TMCC1: variants seen among roughly 807,000 people sequenced by gnomAD.
TMCC1 encodes the protein transmembrane and coiled-coil domains protein 1.
In TMCC1, 15 loss-of-function variants were observed where a neutral mutation model predicts 52.4. That is an observed-to-expected ratio of 0.29 (90% CI 0.19 to 0.44). The LOEUF (loss-of-function observed/expected upper bound fraction) is 0.44. TMCC1 is among the 20% of genes least tolerant of loss of function. The pLI is 1.00. For synonymous variants in TMCC1, 279 were observed against 301.9 expected (o/e 0.92, Z 0.79); for missense variants, 503 against 806.0 (o/e 0.62, Z 4.55).
intron 4 of TMCC1, among the ~76,000 whole-genome samples, chr3:129,823,472 A>C (rs1161149909): frequency 6.6e-6 from 1 of 152,188 alleles, no homozygotes; most frequent in Non-Finnish European, 1.5e-5. Flanking sequence ...AAAGTTCAAA[A>C]ATAAAATCTA....
chr3:129,679,531 C>G (rs1272515051), intron 4 of TMCC1, among the ~76,000 whole-genome samples: 1 of 152,084 alleles, frequency 6.6e-6, no homozygotes, highest in Non-Finnish European at 1.5e-5. Flanking sequence ...GTCTTGAACT[C>G]CTGACCTCGT....
At chr3:129,751,419 A>G (rs1477012619) in intron 4 of TMCC1, among the ~76,000 whole-genome samples, 4 of 151,904 alleles carry the variant, frequency 2.6e-5, no homozygotes, top group Admixed American at 6.6e-5. Context: ...AGTCCCAGCT[A>G]CTTGGGAGGC....
At chr3:129,732,162 A>G (rs550983736) in intron 4 of TMCC1, among the ~76,000 whole-genome samples, 1 of 152,320 alleles carries the variant, frequency 6.6e-6, no homozygotes, top group South Asian at 2.1e-4. Flanking sequence ...TTCTACATAT[A>G]CAGTGATGTA....
At chr3:129,664,306 T>TCTGA (rs1321830042) in intron 5 of TMCC1, among the ~76,000 whole-genome samples, 4 of 152,168 alleles carry the variant, frequency 2.6e-5, no homozygotes, top group Admixed American at 6.6e-5. Flanking sequence ...TGAGCATACA[T>TCTGA]CTGAGCATAC....
intron 4 of TMCC1, among the ~76,000 whole-genome samples, chr3:129,738,400 C>T (rs540950253): frequency 6.6e-6 from 1 of 152,186 alleles, no homozygotes; most frequent in South Asian, 2.1e-4. Context: ...AATTAGGAAG[C>T]AGTATTCCTG....
At chr3:129,837,669 C>A (rs1369070489) in intron 2 of TMCC1, among the ~76,000 whole-genome samples, 5 of 152,022 alleles carry the variant, frequency 3.3e-5, no homozygotes, top group Non-Finnish European at 5.9e-5. Flanking sequence ...CTCAAAGGGA[C>A]AAAGCAATTA....
At chr3:129,679,770 C>T (rs2088811875) in intron 4 of TMCC1, among the ~76,000 whole-genome samples, 2 of 152,164 alleles carry the variant, frequency 1.3e-5, no homozygotes, top group African/African-American at 4.8e-5. Flanking sequence ...GTTTTGTCCA[C>T]TTTTGTTTCT....
chr3:129,719,123 A>G (rs1426421539), intron 4 of TMCC1, among the ~76,000 whole-genome samples: 1 of 152,220 alleles, frequency 6.6e-6, no homozygotes, highest in African/African-American at 2.4e-5. Flanking sequence ...AGAAAGACCA[A>G]GGCATAATTA....
At chr3:129,772,702 G>A (rs1245426144) in intron 4 of TMCC1, among the ~76,000 whole-genome samples, 2 of 119,858 alleles carry the variant, frequency 1.7e-5, no homozygotes, top group Non-Finnish European at 3.2e-5. Context: ...CAGCCTGGGT[G>A]ACAGAGCAAG....
intron 4 of TMCC1, among the ~76,000 whole-genome samples, chr3:129,825,427 G>A (rs1009243950): frequency 1.3e-5 from 2 of 151,156 alleles, no homozygotes; most frequent in Non-Finnish European, 2.9e-5. Context: ...ATAAGAAGAT[G>A]ATATAGTGAG....
At chr3:129,748,718 T>C (rs1008702891) in intron 4 of TMCC1, among the ~76,000 whole-genome samples, 1 of 151,906 alleles carries the variant, frequency 6.6e-6, no homozygotes, top group Non-Finnish European at 1.5e-5. Flanking sequence ...AATTTCAATT[T>C]CGGGCCAGCT....
At chr3:129,698,374 A>G (rs553772795) in intron 4 of TMCC1, among the ~76,000 whole-genome samples, 2 of 152,124 alleles carry the variant, frequency 1.3e-5, no homozygotes, top group Non-Finnish European at 2.9e-5. Context: ...TGATTAAATT[A>G]CTTCCCACTG....
intron 2 of TMCC1, among the ~76,000 whole-genome samples, chr3:129,878,552 T>C (rs1177488795): frequency 6.6e-6 from 1 of 152,226 alleles, no homozygotes; most frequent in Non-Finnish European, 1.5e-5. Flanking sequence ...TTCTCTCACC[T>C]TGATTACAGT....
intron 4 of TMCC1, among the ~76,000 whole-genome samples, chr3:129,709,288 C>A (rs2048468110): frequency 6.6e-6 from 1 of 151,302 alleles, no homozygotes; most frequent in Non-Finnish European, 1.5e-5. Context: ...CATGGTGAGA[C>A]CCCATCTCTA....
chr3:129,721,394 C>T (rs1007299370), intron 4 of TMCC1, among the ~76,000 whole-genome samples: 2 of 152,070 alleles, frequency 1.3e-5, no homozygotes, highest in Admixed American at 6.6e-5. Context: ...CAGGCTGGAG[C>T]GCAGTGGTAA....
rs1471210090 is a variant in TMCC1, at chr3:129,650,313, C to T, written c.*1168G>A. 1 of 150,870 alleles carries T rather than the reference C, an allele frequency of 6.6e-6. No homozygotes were observed. The highest frequency in any genetic ancestry group is 1.5e-5 in the Non-Finnish European group (1 of 67,794). 9.3% of individuals were successfully genotyped at this position (150,870 alleles called of 1,614,324 possible). A position where few individuals can be genotyped will look rare whatever the true frequency, so the allele number is the denominator to read the frequency against. On this transcript the variant is annotated 3_prime_UTR_variant, in exon 7 of 7. Transcript: ENST00000393238. ...AAAAAAAAATCCCTATCCTACTACA[C>T]TGGTTTTTGGAAACAGCCTCCTGCT...
intron 1 of TMCC1, chr3:129,893,139 T>A (rs1034530365): frequency 1.3e-5 from 2 of 152,054 alleles, no homozygotes; most frequent in Admixed American, 6.5e-5. Flanking sequence ...TCCTAAACAG[T>A]CCCTCGGGCC....
intron 4 of TMCC1, chr3:129,688,170 A>T: frequency 1.0e-6 from 1 of 985,434 alleles, no homozygotes; most frequent in Non-Finnish European, 1.2e-6. Context: ...CAACACATTT[A>T]TCTTACCAAA....
intron 4 of TMCC1, chr3:129,688,621 T>C: frequency 1.0e-6 from 1 of 985,492 alleles, no homozygotes; most frequent in Non-Finnish European, 1.2e-6. Flanking sequence ...CTTAGAGCTT[T>C]CTATATCTGG....
Sources: gnomAD v4.1 joint callset for allele counts (sites outside exome capture counted in the v4.1 genomes callset) on GRCh38, gnomAD v4.1.1 for gene constraint, MANE v1.5 for transcripts, NCBI Gene and HGNC (gene_info 2026-07-23, HGNC 2026-07-21) for gene names.